ADGRD1: variants seen among roughly 807,000 people sequenced by gnomAD.
ADGRD1 encodes adhesion G protein-coupled receptor D1.
A neutral mutation model predicts 113.4 loss-of-function variants in ADGRD1; 77 were observed. The observed-to-expected ratio is 0.68, with a 90% CI of 0.57 to 0.82. ADGRD1 has a LOEUF of 0.82. Ranked by LOEUF, ADGRD1 falls within the 40% of genes least tolerant of loss-of-function variation. The pLI is 0.00. For missense variants in ADGRD1, 1,036 were observed against 1,139.1 expected (o/e 0.91, Z 1.30); for synonymous variants, 474 against 475.0 (o/e 1.00, Z 0.03).
chr12:131,066,042 A>G, intron 13 of ADGRD1, among the ~76,000 whole-genome samples: 1 of 152,034 alleles, frequency 6.6e-6, no homozygotes, highest in East Asian at 1.9e-4. Flanking sequence ...GCTGAGGTTA[A>G]ACCTTAGAGC....
At chr12:131,029,119 C>G (rs1195890) in intron 13 of ADGRD1, among the ~76,000 whole-genome samples, 117,325 of 152,182 alleles carry the variant, frequency 0.77, 47,441 homozygotes, top group East Asian at 0.98. Flanking sequence ...TATGTTGTAA[C>G]CACCTTCTTT....
At position 130,991,094 on chromosome 12, in the gene ADGRD1, T is replaced by C. The variant is rs1305225119; in HGVS notation, c.810+16T>C. ...AAGCCCCGTGGTGAGCAGACACATC[T>C]TCCTTGGTCCCCCTTGCTGATGTTC... On this transcript the variant is annotated intron_variant, in intron 7 of 24. Coordinates refer to ENST00000261654, the MANE Select transcript of ADGRD1 (RefSeq NM_198827.5). 6.2e-7 allele frequency: 1 copy of C among 1,609,920 alleles called. No homozygotes were observed.
chr12:131,131,282 C>A (rs531789892), intron 20 of ADGRD1, among the ~76,000 whole-genome samples: 5 of 152,152 alleles, frequency 3.3e-5, no homozygotes, highest in African/African-American at 1.2e-4. Flanking sequence ...AGGCCTGGGC[C>A]GGGGCGGGAG....
chr12:131,063,523 C>G (rs901838607), intron 13 of ADGRD1, among the ~76,000 whole-genome samples: 2 of 152,128 alleles, frequency 1.3e-5, no homozygotes, highest in Admixed American at 1.3e-4. Flanking sequence ...GGGAAAAAAA[C>G]TCTCCTTCCT....
intron 13 of ADGRD1, chr12:131,069,358 G>A (rs965093510): frequency 3.9e-5 from 6 of 152,328 alleles, no homozygotes; most frequent in African/African-American, 1.4e-4. Flanking sequence ...CCTGAGTCCT[G>A]AATTGGCCCC....
intron 12 of ADGRD1, among the ~76,000 whole-genome samples, chr12:131,011,616 G>C (rs1877905723): frequency 6.6e-6 from 1 of 152,186 alleles, no homozygotes; most frequent in African/African-American, 2.4e-5. Flanking sequence ...ACCACCGGTT[G>C]CACCATCAGG....
intron 13 of ADGRD1, among the ~76,000 whole-genome samples, chr12:131,042,939 C>T (rs371856777): frequency 2.8e-4 from 42 of 152,370 alleles, no homozygotes; most frequent in African/African-American, 7.0e-4. Flanking sequence ...TCGGATTGTC[C>T]GCAGCTGAGT....
At chr12:131,116,213 G>A (rs1296176797) in intron 18 of ADGRD1, among the ~76,000 whole-genome samples, 1 of 152,140 alleles carries the variant, frequency 6.6e-6, no homozygotes, top group Admixed American at 6.5e-5. Context: ...TGGACACAGG[G>A]GTAGATGCAG....
intron 13 of ADGRD1, among the ~76,000 whole-genome samples, chr12:131,017,456 CACAG>C (rs1415952584): frequency 1.4e-5 from 2 of 146,226 alleles, no homozygotes; most frequent in African/African-American, 5.1e-5. Flanking sequence ...ATACACCCAG[CACAG>C]ACACACACAC....
At chr12:131,056,881 C>T (rs1004537188) in intron 13 of ADGRD1, among the ~76,000 whole-genome samples, 3 of 152,210 alleles carry the variant, frequency 2.0e-5, no homozygotes, top group African/African-American at 4.8e-5. Context: ...GGCCCTAGGA[C>T]GACGAAGGAA....
In ADGRD1 at chr12:130,987,459, G is replaced by A. The variant is rs1289409265; in HGVS notation, c.745+110G>A. ...CGTTGCAGCTATCAGCACTGCAGGC[G>A]TGAGATGTGTCCTAATGAACCTTAT... On this transcript the variant is annotated intron_variant, in intron 6 of 24. Coordinates refer to ENST00000261654, the MANE Select transcript of ADGRD1 (RefSeq NM_198827.5). 57 of 1,229,796 alleles carry A rather than the reference G, an allele frequency of 4.6e-5. 1 individual carries two copies. The South Asian group carries it at 6.5e-4, about 14-fold the overall frequency. 76.2% of individuals were successfully genotyped at this position (1,229,796 alleles called of 1,614,324 possible).
intron 21 of ADGRD1, among the ~76,000 whole-genome samples, chr12:131,133,067 C>T (rs950887492): frequency 6.6e-6 from 1 of 152,154 alleles, no homozygotes; most frequent in African/African-American, 2.4e-5. Flanking sequence ...AGAAGAGATG[C>T]TCGTGGGGTC....
chr12:131,098,404 G>A (rs905314781), intron 15 of ADGRD1, among the ~76,000 whole-genome samples: 32 of 152,132 alleles, frequency 2.1e-4, no homozygotes, highest in African/African-American at 6.5e-4. Context: ...AGGCGCTATG[G>A]AGGGGGTGAG....
chr12:131,127,766 TG>T (rs1950777216), intron 20 of ADGRD1, among the ~76,000 whole-genome samples: 1 of 134,476 alleles, frequency 7.4e-6, no homozygotes, highest in African/African-American at 2.9e-5. Context: ...TGAGCTCAGG[TG>T]GGGTGTTGGT....
intron 13 of ADGRD1, chr12:131,070,928 G>A (rs373980633): frequency 1.9e-6 from 1 of 519,000 alleles, no homozygotes; most frequent in South Asian, 1.4e-5. Context: ...AAGAGTCCTG[G>A]GGTCAGAGTG....
At chr12:131,015,718 C>T (rs1005404005) in intron 13 of ADGRD1, among the ~76,000 whole-genome samples, 8 of 152,240 alleles carry the variant, frequency 5.3e-5, no homozygotes, top group South Asian at 4.2e-4. Flanking sequence ...TGTGACCAGC[C>T]GTGAGCCTGT....
chr12:130,955,715 A>AC lies in ADGRD1; in HGVS notation c.103+1062dup, dbSNP rs200613464. ...CCGCCCCACCAGAGCTTGGCTGGGC[A>AC]CCCCCCCGAGCGCTATTGTATGGCC... On this transcript the variant is annotated intron_variant, in intron 2 of 24. Coordinates refer to ENST00000261654, the MANE Select transcript of ADGRD1 (RefSeq NM_198827.5). Among the ~76,000 whole-genome samples, 627 of 151,966 alleles carry AC rather than the reference A, an allele frequency of 4.1e-3. 8 individuals are homozygous for AC. The highest frequency in any genetic ancestry group is 0.014 in the African/African-American group (566 of 41,476).
intron 15 of ADGRD1, among the ~76,000 whole-genome samples, chr12:131,086,390 G>A (rs1205711458): frequency 1.3e-5 from 2 of 152,172 alleles, no homozygotes; most frequent in African/African-American, 2.4e-5. Flanking sequence ...TCCCAGGGGT[G>A]CTGTGGGAAG....
rs151136490 is a variant in ADGRD1 at position 131,011,643 on chromosome 12, A to G, written c.1332-2556A>G. On this transcript the variant is annotated intron_variant, in intron 12 of 24. Transcript: ENST00000261654. ...ACCATCAGGAAATGTCCACGGAGGG[A>G]AAGTCAAGGGACAAATCATGCTGCG... 8.8e-3 allele frequency among the ~76,000 whole-genome samples: 1,334 copies of G among 152,280 alleles called. 18 individuals are homozygous for G. The highest frequency in any genetic ancestry group is 0.027 in the Middle Eastern group (8 of 294).
Sources: allele counts gnomAD v4.1 joint callset (sites outside exome capture counted in the v4.1 genomes callset), GRCh38; gene constraint gnomAD v4.1.1; transcripts MANE v1.5; gene names NCBI Gene and HGNC (gene_info 2026-07-23, HGNC 2026-07-21).